GALNT16: variants seen among roughly 807,000 people sequenced by gnomAD.
The protein encoded by GALNT16 is UDP-GalNAc:polypeptide N-acetylgalactosaminyltransferase-like protein 1.
Under a neutral mutation model 76.1 loss-of-function variants are expected in GALNT16, and 40 were observed. The ratio of observed to expected loss-of-function variants is 0.53; its 90% CI spans 0.41 to 0.68. The LOEUF is 0.68. Among genes scored for constraint, GALNT16 ranks in the 30% least tolerant of loss-of-function variants. The probability of loss-of-function intolerance (pLI) is 0.00; values close to 1 mark genes in which losing one functional copy is unlikely to be tolerated. For synonymous variants in GALNT16, 276 were observed against 285.2 expected, an observed-to-expected ratio of 0.97 and a Z score of 0.32; for missense variants, 621 against 731.9, an observed-to-expected ratio of 0.85 and a Z score of 1.75.
At chr14:69,382,609 G>A in the GALNT16 span, among the ~76,000 whole-genome samples, 22 of 151,878 alleles carry the variant, frequency 1.4e-4, no homozygotes, top group African/African-American at 5.3e-4. Flanking sequence ...TGAGGCAGGC[G>A]GGCCACAATG....
intron 12 of GALNT16, among the ~76,000 whole-genome samples, chr14:69,343,932 GAAAGTT>G (rs1206014509): frequency 2.0e-5 from 3 of 152,236 alleles, no homozygotes; most frequent in Non-Finnish European, 4.4e-5. Context: ...GCCACTGTGT[GAAAGTT>G]AAAATAATTT....
At chr14:69,327,543 T>C (rs2045301249) in intron 5 of GALNT16, among the ~76,000 whole-genome samples, 1 of 152,236 alleles carries the variant, frequency 6.6e-6, no homozygotes, top group Non-Finnish European at 1.5e-5. Context: ...TGTAAATTTA[T>C]GACTCGATGC....
intron 1 of GALNT16, among the ~76,000 whole-genome samples, chr14:69,309,485 G>T (rs955696087): frequency 1.3e-5 from 2 of 151,770 alleles, no homozygotes; most frequent in Admixed American, 6.6e-5. Context: ...TTATTTTTTT[G>T]TGTGTTTGTA....
intron 1 of GALNT16, among the ~76,000 whole-genome samples, chr14:69,273,142 C>G (rs1359770028): frequency 6.6e-6 from 1 of 152,238 alleles, no homozygotes; most frequent in Non-Finnish European, 1.5e-5. Flanking sequence ...GGCTCTAGTC[C>G]TCATATCATC....
chr14:69,264,914 A>G (rs2044324645), intron 1 of GALNT16, among the ~76,000 whole-genome samples: 1 of 145,978 alleles, frequency 6.9e-6, no homozygotes, highest in Non-Finnish European at 1.5e-5. Flanking sequence ...CCTGGGCTCA[A>G]GCGATTCCCC....
intron 1 of GALNT16, among the ~76,000 whole-genome samples, chr14:69,304,040 T>C (rs1166502102): frequency 6.6e-6 from 1 of 152,204 alleles, no homozygotes; most frequent in Non-Finnish European, 1.5e-5. Context: ...GAGTCTTCCA[T>C]CACTTTTTTT....
rs1594851753 is a variant in GALNT16, at chr14:69,324,628, A to T, written c.336-64A>T. 8.9e-6 allele frequency: 8 copies of T among 899,978 alleles called. No individual in the cohort carries two copies. The East Asian group carries it at 2.0e-4, about 23-fold the overall frequency. The allele number at this position is 899,978 out of a possible 1,614,324, so 55.7% of individuals were successfully genotyped here. A position where few individuals can be genotyped will look rare whatever the true frequency, so the allele number is the denominator to read the frequency against. On this transcript the variant is annotated intron_variant, in intron 2 of 14. Transcript: ENST00000448469. ...TCTCAGGCACAAGACTGGACAAAGA[A>T]AAACATTGACCTGCCCTGAGGATGC... is the stretch of plus-strand genomic sequence containing the variant.
At chr14:69,360,916 G>A (rs1316792139), downstream of GALNT16, among the ~76,000 whole-genome samples, 8 of 152,216 alleles carry the variant, frequency 5.3e-5, no homozygotes, top group East Asian at 3.9e-4. Flanking sequence ...TGGGTGCTGC[G>A]GGCCCTGCCC....
chr14:69,312,702 C>T (rs770529580), intron 1 of GALNT16, among the ~76,000 whole-genome samples: 4 of 152,182 alleles, frequency 2.6e-5, no homozygotes, highest in South Asian at 2.1e-4. Context: ...AGTCAAGAAG[C>T]GCATGTCCAG....
chr14:69,347,312 C>A (rs2140200607), intron 13 of GALNT16, 131 bp downstream of exon 13: 1 of 820,082 alleles, frequency 1.2e-6, no homozygotes, highest in East Asian at 2.8e-5. Context: ...GCCAGGGGCC[C>A]CTAGACCCTG....
chr14:69,307,829 G>A lies in GALNT16; in HGVS notation c.178-12882G>A, dbSNP rs370587817. 3.0e-4 allele frequency among the ~76,000 whole-genome samples: 46 copies of A among 152,296 alleles called. 1 individual carries two copies. In the South Asian group the frequency reaches 9.6e-3, roughly 32 times the overall value. On this transcript the variant is annotated intron_variant, in intron 1 of 14. Transcript: ENST00000448469. ...CTAAGTACCTAAGTACCAGCCTCCT[G>A]GGAGTGTTCTGTGGTTGATGTCTGC...
rs531638001 is a variant in GALNT16 at position 69,309,301 on chromosome 14, C to CT, written c.178-11395dup. Among the ~76,000 whole-genome samples, 240 of 141,720 alleles carry CT rather than the reference C, an allele frequency of 1.7e-3. 2 individuals are homozygous for CT. Among genetic ancestry groups the CT allele is most frequent in the South Asian group, 0.016 (70 of 4,452 alleles). 93.0% of individuals were successfully genotyped at this position (141,720 alleles called of 152,430 possible). ...CTTTCTTTCTTCCTTTCTTTTCCTT[C>CT]TTTTTTTTTTTTTTTATTTGAGACA... is the stretch of plus-strand genomic sequence containing the variant. On this transcript the variant is annotated intron_variant, in intron 1 of 14. Transcript: ENST00000448469.
rs1483696718 is a variant in GALNT16, at chr14:69,333,904, A to G, written c.967+304A>G. On this transcript the variant is annotated intron_variant, in intron 9 of 14. Coordinates refer to ENST00000448469, the MANE Select transcript of GALNT16 (RefSeq NM_001168368.2). This position sits in a 1 kb window ranked among gnomAD's most constrained non-coding sequence, Gnocchi z 4.2. ...TGTGTGTGGAAGAACACACAACTGT[A>G]TCACAGACCACAGCTTACACACGTG... 6.6e-6 allele frequency among the ~76,000 whole-genome samples: 1 copy of G among 152,244 alleles called. No individual in the cohort carries two copies. Among genetic ancestry groups the G allele is most frequent in the Middle Eastern group, 3.2e-3 (1 of 316 alleles).
chr14:69,328,482 G>A lies in GALNT16; in HGVS notation c.601G>A (p.Val201Met), dbSNP rs12879377. 0.34 allele frequency: 555,499 copies of A among 1,613,228 alleles called. 102,604 individuals are homozygous for A. The highest frequency in any genetic ancestry group is 0.39 in the Non-Finnish European group (454,573 of 1,179,594). Residue 201 changes from valine to methionine, a missense_variant, in exon 6 of 15, where the codon GTG becomes ATG. Physicochemically the swap from Val to Met is conservative, Grantham distance 21. Transcript: ENST00000448469. ...CCGGTCCCGAGTGCGTGGGGCGGAC[G>A]TGGCTGCAGCTACCGTTCTCACCTT... ...LIRSRVRGAD[V>M]AAATVLTFLD...
At chr14:69,350,341 A>C (rs1329970435) in intron 14 of GALNT16, 1 of 152,288 alleles carries the variant, frequency 6.6e-6, no homozygotes, top group Non-Finnish European at 1.5e-5. Context: ...GAAAGAAGGG[A>C]GTAAGACACT....
At chr14:69,264,999 G>A (rs2044325613) in intron 1 of GALNT16, among the ~76,000 whole-genome samples, 1 of 151,858 alleles carries the variant, frequency 6.6e-6, no homozygotes, top group African/African-American at 2.4e-5. Context: ...TATTTTTGTA[G>A]AGACAGGGTC....
intron 6 of GALNT16, 98 bp downstream of exon 6, chr14:69,328,669 C>A: frequency 1.5e-6 from 2 of 1,311,598 alleles, no homozygotes; most frequent in Non-Finnish European, 2.1e-6. Flanking sequence ...GCTGGGCAGG[C>A]ATCGTAGGAA....
intron 1 of GALNT16, among the ~76,000 whole-genome samples, chr14:69,295,554 T>C (rs1456348048): frequency 6.6e-6 from 1 of 151,998 alleles, no homozygotes; most frequent in Admixed American, 6.6e-5. Context: ...ACTCTGTCTC[T>C]ACTAAAAATA....
chr14:69,367,644 CAAAAAAA>C, the GALNT16 span, among the ~76,000 whole-genome samples: 12 of 64,026 alleles, frequency 1.9e-4, no homozygotes, highest in African/African-American at 6.0e-4. Context: ...CTGTGCAAGG[CAAAAAAA>C]AAAAAAAAGA....
Sources: gnomAD v4.1 joint callset for allele counts (sites outside exome capture counted in the v4.1 genomes callset) on GRCh38, gnomAD v4.1.1 for gene constraint, Gnocchi (gnomAD v3.1) non-coding constraint, MANE v1.5 for transcripts, NCBI Gene and HGNC (gene_info 2026-07-23, HGNC 2026-07-21) for gene names.